Variants in TDO2 observed in about 807,000 individuals in gnomAD.
TDO2 encodes tryptamin 2,3-dioxygenase.
Under a neutral mutation model 61.2 loss-of-function variants are expected in TDO2, and 63 were observed. The ratio of observed to expected loss-of-function variants is 1.03; its 90% CI spans 0.84 to 1.27. The LOEUF (loss-of-function observed/expected upper bound fraction) is 1.27, where lower values mean the gene tolerates loss of function less well. TDO2 is among the 50% of genes most tolerant of loss of function. TDO2 has a pLI of 0.00. For synonymous variants in TDO2, 183 were observed against 164.0 expected, an observed-to-expected ratio of 1.12 and a Z score of -0.89; for missense variants, 494 against 469.5, an observed-to-expected ratio of 1.05 and a Z score of -0.48.
chr4:155,906,805 T>C (rs931757936), intron 3 of TDO2: 1 of 152,292 alleles, frequency 6.6e-6, no homozygotes, highest in East Asian at 1.9e-4. Flanking sequence ...TTTTGAATCA[T>C]AGGTTTCCAA....
At position 155,917,489 on chromosome 4, in the gene TDO2, C is replaced by T. The variant is rs752072676; in HGVS notation, c.976+15C>T. 2 of 1,597,936 alleles carry T rather than the reference C, an allele frequency of 1.3e-6. No homozygotes were observed. Among genetic ancestry groups the T allele is most frequent in the Non-Finnish European group, 1.7e-6 (2 of 1,172,554 alleles). On this transcript the variant is annotated intron_variant, in intron 10 of 11. Transcript: ENST00000536354. ...CAAATGGAGATGTAAGTCCTTCCCA[C>T]TCACCCCATGTTGCTTCCCCACATG...
chr4:155,920,392 ATC>A lies in TDO2; in HGVS notation c.*404_*405del, dbSNP rs1465946229. 3 of 160,370 alleles carry A rather than the reference ATC, an allele frequency of 1.9e-5. No homozygotes were observed. Among genetic ancestry groups the A allele is most frequent in the Non-Finnish European group, 2.7e-5 (2 of 73,628 alleles). 9.9% of individuals were successfully genotyped at this position (160,370 alleles called of 1,614,324 possible). A position where few individuals can be genotyped will look rare whatever the true frequency, so the allele number is the denominator to read the frequency against. On this transcript the variant is annotated 3_prime_UTR_variant, in exon 12 of 12. Coordinates refer to ENST00000536354, the MANE Select transcript of TDO2 (RefSeq NM_005651.4). ...AAATTTTTAAAATAATAAAGTATTA[ATC>A]TTTCTCCCTGTATTGTTTTTGAAAT...
intron 9 of TDO2, among the ~76,000 whole-genome samples, chr4:155,916,259 C>T (rs1742932657): frequency 6.9e-6 from 1 of 145,592 alleles, no homozygotes; most frequent in Non-Finnish European, 1.5e-5. Flanking sequence ...GCTCCGCCTC[C>T]CGGGTTCACG....
chr4:155,914,536 T>A (rs1346370486), intron 8 of TDO2, 102 bp downstream of exon 8: 2 of 778,230 alleles, frequency 2.6e-6, no homozygotes, highest in Non-Finnish European at 3.8e-6. Context: ...AGAAATAGAA[T>A]GAAAATTGAT....
At position 155,908,880 on chromosome 4, in the gene TDO2, C is replaced by T. The variant is rs764014428; in HGVS notation, c.304-7C>T. The T allele has an allele frequency of 1.6e-5, 26 of 1,606,520 alleles. No homozygotes were observed. The Admixed American group carries it at 4.4e-4, about 27-fold the overall frequency. On this transcript the variant is annotated splice_polypyrimidine_tract_variant and splice_region_variant and intron_variant, in intron 4 of 11. Coordinates refer to ENST00000536354, the MANE Select transcript of TDO2 (RefSeq NM_005651.4). ...GCTAACTCAGTGTTTCATTTCTTAACCTTCAGGTCAGAGATGAAAGGAACA... is the reference window on the plus strand; with the variant it reads ...GCTAACTCAGTGTTTCATTTCTTAATCTTCAGGTCAGAGATGAAAGGAACA...
At chr4:155,905,237 C>T (rs1742698184) in intron 3 of TDO2, 80 bp downstream of exon 3, 2 of 1,044,322 alleles carry the variant, frequency 1.9e-6, no homozygotes, top group Non-Finnish European at 1.4e-6. Flanking sequence ...TTTTAAACTA[C>T]AAAATGATGA....
Position 155,907,715 on chromosome 4 carries a change from A to G in TDO2, c.233-7A>G. The stretch of plus-strand genomic sequence containing the variant: ...CTTTCCAACTGACAATGATTTCCTT[A>G]TTACAGCTTATGAACTCTGGTTTAA... On this transcript the variant is annotated splice_polypyrimidine_tract_variant and splice_region_variant and intron_variant, in intron 3 of 11. Transcript: ENST00000536354. 6.2e-7 allele frequency: 1 copy of G among 1,608,602 alleles called. No homozygotes were observed. Among genetic ancestry groups the G allele is most frequent in the Non-Finnish European group, 8.5e-7 (1 of 1,177,380 alleles).
chr4:155,907,205 A>G (rs1392979362), intron 3 of TDO2: 1 of 152,242 alleles, frequency 6.6e-6, no homozygotes, highest in Non-Finnish European at 1.5e-5. Context: ...CCGCTTTCCC[A>G]TATGTGCTAA....
At chr4:155,918,300 T>A in intron 11 of TDO2, 61 bp downstream of exon 11, 2 of 1,527,110 alleles carry the variant, frequency 1.3e-6, no homozygotes, top group Non-Finnish European at 1.8e-6. Flanking sequence ...TTTCTCCACC[T>A]ATACATTTGC....
intron 6 of TDO2, among the ~76,000 whole-genome samples, chr4:155,910,680 G>T (rs909195638): frequency 2.0e-5 from 3 of 152,056 alleles, no homozygotes; most frequent in Non-Finnish European, 2.9e-5. Flanking sequence ...AGGTCTGTAA[G>T]TAGCCTTTAG....
Position 155,910,069 on chromosome 4 carries a change from G to A in TDO2, c.476G>A (p.Arg159Gln), listed in dbSNP as rs949993720. ...TCAGGCTTCCAGAGTTTGCAATTCC[G>A]ACTATTAGAAAACAAGATAGGTGTT... is the stretch of plus-strand genomic sequence containing the variant. ...PASGFQSLQF[R>Q]LLENKIGVLQ... The change falls in exon 6 of 12, where the codon CGA becomes CAA. Residue 159 changes from arginine to glutamine, a missense_variant. Coordinates refer to ENST00000536354, the MANE Select transcript of TDO2 (RefSeq NM_005651.4). 2.0e-5 allele frequency: 31 copies of A among 1,585,190 alleles called. No individual in the cohort carries two copies. Among genetic ancestry groups the A allele is most frequent in the African/African-American group, 5.6e-5 (4 of 71,736 alleles).
chr4:155,915,738 CTT>C (rs964312636), intron 8 of TDO2, 115 bp from the exon 9 acceptor site: 6 of 720,538 alleles, frequency 8.3e-6, no homozygotes, highest in Non-Finnish European at 1.3e-5. Flanking sequence ...TAAACTGAAA[CTT>C]ATATTGATTT....
chr4:155,908,097 A>G (rs72962410), intron 4 of TDO2, among the ~76,000 whole-genome samples: 1 of 152,324 alleles, frequency 6.6e-6, no homozygotes, highest in African/African-American at 2.4e-5. Flanking sequence ...TTTAATTAAC[A>G]GGTACCAGAA....
intron 6 of TDO2, among the ~76,000 whole-genome samples, chr4:155,911,200 G>A (rs1742822689): frequency 6.6e-6 from 1 of 151,756 alleles, no homozygotes; most frequent in African/African-American, 2.4e-5. Flanking sequence ...TAGAACATAT[G>A]TTTAAATATG....
chr4:155,909,655 T>A (rs557241206), intron 5 of TDO2, among the ~76,000 whole-genome samples: 13 of 152,116 alleles, frequency 8.5e-5, no homozygotes, highest in Admixed American at 5.2e-4. Flanking sequence ...ATTTTTGATA[T>A]CCGATGATAT....
At chr4:155,907,072 C>A (rs1047602780) in intron 3 of TDO2, 4 of 152,168 alleles carry the variant, frequency 2.6e-5, no homozygotes, top group African/African-American at 9.7e-5. Flanking sequence ...ACCTTGGACT[C>A]ATGGAAATTC....
At chr4:155,917,128 C>G (rs937960938) in intron 9 of TDO2, among the ~76,000 whole-genome samples, 1 of 152,140 alleles carries the variant, frequency 6.6e-6, no homozygotes, top group Non-Finnish European at 1.5e-5. Flanking sequence ...TTAATAAGAA[C>G]CAATGTTAGG....
In TDO2 at chr4:155,915,893, T is replaced by C. The variant is rs751033676; in HGVS notation, c.877T>C (p.Leu293=). 3 of 1,610,474 alleles carry C rather than the reference T, an allele frequency of 1.9e-6. No individual in the cohort carries two copies. Among genetic ancestry groups the C allele is most frequent in the African/African-American group, 1.3e-5 (1 of 74,814 alleles). Residue 293 remains leucine, a synonymous_variant, in exon 9 of 12, where the codon TTG becomes CTG. Transcript: ENST00000536354. ...RLSYRALQGA[L]MIYFYREEPR... ...GTCATACAGAGCACTTCAGGGAGCA[T>C]TGATGATATATTTTTACAGGTAAAG...
At chr4:155,906,288 T>C (rs535111273) in intron 3 of TDO2, 1 of 152,300 alleles carries the variant, frequency 6.6e-6, no homozygotes, top group East Asian at 1.9e-4. Context: ...AACACTTTTC[T>C]TCTATTCTTT....
Sources: allele counts gnomAD v4.1 joint callset (sites outside exome capture counted in the v4.1 genomes callset), GRCh38; gene constraint gnomAD v4.1.1; transcripts MANE v1.5; gene names NCBI Gene and HGNC (gene_info 2026-07-23, HGNC 2026-07-21).